MAP3K5: variants seen among roughly 807,000 people sequenced by gnomAD.
MAP3K5 encodes mitogen-activated protein kinase kinase kinase 5, also known as ASK-1.
In MAP3K5, 56 loss-of-function variants were observed where a neutral mutation model predicts 158.7. The observed-to-expected ratio is 0.35, with a 90% CI of 0.28 to 0.44. The LOEUF (loss-of-function observed/expected upper bound fraction) is 0.44, where lower values mean the gene tolerates loss of function less well. Ranked by LOEUF, MAP3K5 falls within the 20% of genes least tolerant of loss-of-function variation. The pLI, the probability that MAP3K5 is intolerant of heterozygous loss-of-function variation, is 1.00. For missense variants in MAP3K5, 1,294 were observed against 1,674.8 expected, an observed-to-expected ratio of 0.77 and a Z score of 3.97; for synonymous variants, 579 against 601.7, an observed-to-expected ratio of 0.96 and a Z score of 0.55.
intron 28 of MAP3K5, among the ~76,000 whole-genome samples, chr6:136,560,039 T>C (rs1299289408): frequency 1.3e-5 from 2 of 151,850 alleles, no homozygotes; most frequent in African/African-American, 2.4e-5. Context: ...AGAAGAGATA[T>C]CTTTATTCTT....
At chr6:136,595,057 T>C (rs1775562830) in intron 21 of MAP3K5, among the ~76,000 whole-genome samples, 1 of 152,074 alleles carries the variant, frequency 6.6e-6, no homozygotes, top group Non-Finnish European at 1.5e-5. Flanking sequence ...GTTAAGGAAA[T>C]AAAGGGACTT....
intron 24 of MAP3K5, among the ~76,000 whole-genome samples, chr6:136,582,362 C>T (rs377722246): frequency 4.6e-5 from 7 of 151,510 alleles, no homozygotes; most frequent in East Asian, 3.9e-4. Flanking sequence ...AGTCTGAATT[C>T]TACAGCAAAC....
chr6:136,687,176 G>C (rs537052709), intron 7 of MAP3K5, among the ~76,000 whole-genome samples: 4 of 152,190 alleles, frequency 2.6e-5, no homozygotes, highest in African/African-American at 9.7e-5. Context: ...AACGGGGAAA[G>C]AATTCCCTAT....
At chr6:136,694,407 G>T in intron 6 of MAP3K5, 97 bp from the exon 7 acceptor site, 1 of 996,038 alleles carries the variant, frequency 1.0e-6, no homozygotes, top group Non-Finnish European at 1.4e-6. Context: ...ATTCATATTA[G>T]AGAAATTTGC....
chr6:136,565,192 G>A (rs1774043338), intron 26 of MAP3K5, among the ~76,000 whole-genome samples: 1 of 152,168 alleles, frequency 6.6e-6, no homozygotes. Flanking sequence ...GCTCTTAGAA[G>A]TATTTATCTT....
intron 12 of MAP3K5, among the ~76,000 whole-genome samples, chr6:136,641,805 C>T (rs906491939): frequency 1.3e-5 from 2 of 151,066 alleles, no homozygotes; most frequent in African/African-American, 2.4e-5. Flanking sequence ...CCGGCCAACA[C>T]GGTGAAACCC....
At chr6:136,755,948 T>C (rs563336815) in intron 1 of MAP3K5, among the ~76,000 whole-genome samples, 1 of 152,136 alleles carries the variant, frequency 6.6e-6, no homozygotes, top group South Asian at 2.1e-4. Flanking sequence ...GAAAAAATTA[T>C]GACATTAAAA....
intron 9 of MAP3K5, among the ~76,000 whole-genome samples, chr6:136,657,325 G>A (rs1562586062): frequency 6.6e-6 from 1 of 152,190 alleles, no homozygotes; most frequent in Non-Finnish European, 1.5e-5. Flanking sequence ...AAACATGGAA[G>A]TTAACATTCC....
chr6:136,604,627 A>G (rs373561268), intron 19 of MAP3K5, among the ~76,000 whole-genome samples: 29 of 152,176 alleles, frequency 1.9e-4, no homozygotes, highest in African/African-American at 6.7e-4. Context: ...TCATGAGCCT[A>G]TTTCTATTAT....
intron 7 of MAP3K5, among the ~76,000 whole-genome samples, chr6:136,675,742 T>C (rs1779676874): frequency 6.6e-6 from 1 of 151,922 alleles, no homozygotes; most frequent in African/African-American, 2.4e-5. Flanking sequence ...ATCTTCAAAG[T>C]AGAAGGGTAT....
Position 136,583,671 on chromosome 6 carries a change from T to C in MAP3K5, c.3295A>G (p.Arg1099Gly). 1 of 1,614,230 alleles carries C rather than the reference T, an allele frequency of 6.2e-7. No individual in the cohort carries two copies. Among genetic ancestry groups the C allele is most frequent in the South Asian group, 1.1e-5 (1 of 91,082 alleles). The change falls in exon 24 of 30, where the codon AGA becomes GGA. Residue 1099 changes from arginine to glycine, a missense_variant. Around this residue, in one of 5 missense-constraint regions of MAP3K5, gnomAD observed 362 missense variants for 463.2 expected, o/e 0.78. Transcript: ENST00000359015. ...TLIASLREFV[R>G]STDRKIIATT... is the part of the protein sequence containing the mutation. Reference sequence around the variant, plus strand: ...GCTATGATTTTTCGGTCAGTGGATCTCACAAATTCTCTGAGGCTTGCAATG... The same window carrying C: ...GCTATGATTTTTCGGTCAGTGGATCCCACAAATTCTCTGAGGCTTGCAATG...
At chr6:136,702,470 T>C (rs1358555831) in intron 3 of MAP3K5, among the ~76,000 whole-genome samples, 6 of 152,310 alleles carry the variant, frequency 3.9e-5, no homozygotes, top group African/African-American at 1.4e-4. Context: ...TAGTTTGAAA[T>C]AGCTGATAAT....
At chr6:136,637,466 T>A (rs998921528) in intron 13 of MAP3K5, 60 bp from the exon 14 acceptor site, 1 of 1,006,502 alleles carries the variant, frequency 9.9e-7, no homozygotes, top group African/African-American at 1.6e-5. Flanking sequence ...TATAAGCAAG[T>A]ACATCTCAAA....
rs575511433 is a variant in MAP3K5, at chr6:136,651,059, T to C, written c.1713A>G (p.Gln571=). 2.5e-6 allele frequency: 4 copies of C among 1,609,558 alleles called. No individual in the cohort carries two copies. Among genetic ancestry groups the C allele is most frequent in the East Asian group, 4.5e-5 (2 of 44,782 alleles). The change falls in exon 11 of 30, where the codon CAA becomes CAG. Residue 571 remains glutamine, a synonymous_variant. Transcript: ENST00000359015. ...CATTGTTGATAGACAAATAAGAAGG[T>C]TGATAGATTTTGGTTGGTTCTAATA... The part of the protein sequence containing the change: ...VLILEPTKIY[Q]PSYLSINNEV...
At chr6:136,587,290 CTGAT>C (rs1299958343) in intron 23 of MAP3K5, among the ~76,000 whole-genome samples, 4 of 152,088 alleles carry the variant, frequency 2.6e-5, no homozygotes, top group Non-Finnish European at 5.9e-5. Flanking sequence ...ATAATTACTT[CTGAT>C]TGATTGTAGA....
chr6:136,778,724 C>G (rs1784492844), intron 1 of MAP3K5, among the ~76,000 whole-genome samples: 1 of 152,150 alleles, frequency 6.6e-6, no homozygotes, highest in African/African-American at 2.4e-5. Context: ...ATCTGACAGA[C>G]TTGGGTTCAG....
At chr6:136,641,175 G>A (rs891414308) in intron 12 of MAP3K5, among the ~76,000 whole-genome samples, 2 of 152,298 alleles carry the variant, frequency 1.3e-5, no homozygotes, top group African/African-American at 4.8e-5. Context: ...AGTATCGACT[G>A]AAAGATATAT....
chr6:136,681,450 A>G (rs1779929267), intron 7 of MAP3K5, among the ~76,000 whole-genome samples: 1 of 152,156 alleles, frequency 6.6e-6, no homozygotes, highest in African/African-American at 2.4e-5. Flanking sequence ...CCTGGGCAAC[A>G]CAGTGAGACC....
chr6:136,633,267 T>C (rs752917857), intron 14 of MAP3K5, among the ~76,000 whole-genome samples: 1 of 151,826 alleles, frequency 6.6e-6, no homozygotes, highest in African/African-American at 2.4e-5. Flanking sequence ...GGCATGATGG[T>C]GGGCGTCTGT....
Sources: gnomAD v4.1 joint callset for allele counts (sites outside exome capture counted in the v4.1 genomes callset) on GRCh38, gnomAD v4.1.1 for gene constraint, gnomAD v4.1.1 regional missense constraint, MANE v1.5 for transcripts, NCBI Gene and HGNC (gene_info 2026-07-23, HGNC 2026-07-21) for gene names.